DAB1: variants seen among roughly 807,000 people sequenced by gnomAD.
DAB1 encodes the protein DAB adaptor protein 1.
A neutral mutation model predicts 64.6 loss-of-function variants in DAB1; 15 were observed. The ratio of observed to expected loss-of-function variants is 0.23; its 90% CI spans 0.16 to 0.36. The LOEUF (loss-of-function observed/expected upper bound fraction) is 0.36. Ranked by LOEUF, DAB1 falls within the 10% of genes least tolerant of loss-of-function variation. DAB1 has a pLI of 1.00. For missense variants in DAB1, 596 were observed against 706.7 expected (o/e 0.84, Z 1.78); for synonymous variants, 235 against 251.9 (o/e 0.93, Z 0.64).
chr1:57,321,263 C>T (rs1303999454), intron 1 of DAB1, among the ~76,000 whole-genome samples: 1 of 152,134 alleles, frequency 6.6e-6, no homozygotes, highest in Non-Finnish European at 1.5e-5. Flanking sequence ...GTTAGAAACC[C>T]ATCTTCCAAT....
intron 4 of DAB1, among the ~76,000 whole-genome samples, chr1:58,313,715 C>T (rs1341206341): frequency 6.6e-6 from 1 of 151,992 alleles, no homozygotes; most frequent in Non-Finnish European, 1.5e-5. Flanking sequence ...TTATTTCTTA[C>T]AATTCTGGAA....
intron 7 of DAB1, among the ~76,000 whole-genome samples, chr1:57,478,901 G>C (rs1014912765): frequency 2.8e-4 from 42 of 151,468 alleles, no homozygotes; most frequent in Non-Finnish European, 2.1e-4. Context: ...CGCCCGGCCC[G>C]GTTCCCATTC....
intron 5 of DAB1, among the ~76,000 whole-genome samples, chr1:57,989,795 C>A (rs1038132290): frequency 4.6e-5 from 7 of 152,174 alleles, no homozygotes; most frequent in African/African-American, 1.7e-4. Context: ...TGAGCTTACT[C>A]AATTGGCTAT....
In DAB1 at chr1:57,636,114, C is replaced by CA. The variant is rs879722073; in HGVS notation, n.625+13477dup. Among the ~76,000 whole-genome samples, 317 of 124,212 alleles carry CA rather than the reference C, an allele frequency of 2.6e-3. 6 individuals are homozygous for CA. Among genetic ancestry groups the CA allele is most frequent in the African/African-American group, 6.9e-3 (228 of 33,150 alleles). 81.5% of individuals were successfully genotyped at this position (124,212 alleles called of 152,430 possible). A position where few individuals can be genotyped will look rare whatever the true frequency, so the allele number is the denominator to read the frequency against. Reference sequence around the variant, plus strand: ...ACGGTCTCAAAAAAAAAAAAAAAAACAAAAACAAAAAACTGGTGCCCTTAT... The same window carrying CA: ...ACGGTCTCAAAAAAAAAAAAAAAAACAAAAAACAAAAAACTGGTGCCCTTAT... On this transcript the variant is annotated intron_variant and non_coding_transcript_variant, in intron 7 of 20. Coordinates refer to the DAB1 transcript ENST00000485760.
At chr1:57,443,027 A>G (rs1384479097) in intron 7 of DAB1, among the ~76,000 whole-genome samples, 2 of 152,220 alleles carry the variant, frequency 1.3e-5, no homozygotes, top group Non-Finnish European at 2.9e-5. Flanking sequence ...ACCCTGAACA[A>G]AGAGCCTGAA....
At chr1:57,692,420 C>T (rs1034434091) in intron 6 of DAB1, among the ~76,000 whole-genome samples, 1 of 151,424 alleles carries the variant, frequency 6.6e-6, no homozygotes, top group Non-Finnish European at 1.5e-5. Flanking sequence ...AAGAGAAAGA[C>T]AGGAAGTCAA....
intron 7 of DAB1, among the ~76,000 whole-genome samples, chr1:57,447,432 T>G (rs1353258683): frequency 6.6e-6 from 1 of 152,210 alleles, no homozygotes; most frequent in Non-Finnish European, 1.5e-5. Flanking sequence ...TGGGCAGCTG[T>G]GTGGCTACTG....
At chr1:57,302,082 A>C (rs907600129) in intron 1 of DAB1, among the ~76,000 whole-genome samples, 2 of 152,136 alleles carry the variant, frequency 1.3e-5, no homozygotes, top group Non-Finnish European at 2.9e-5. Flanking sequence ...TCCAATCTCA[A>C]TTACTGTAAA....
upstream of DAB1, among the ~76,000 whole-genome samples, chr1:57,886,849 A>C (rs1644231086): frequency 6.6e-6 from 1 of 152,216 alleles, no homozygotes; most frequent in Non-Finnish European, 1.5e-5. Flanking sequence ...AATTTGTAAA[A>C]AGGAGTGCTG....
At chr1:58,077,005 T>C (rs1033585873) in intron 5 of DAB1, among the ~76,000 whole-genome samples, 1 of 152,178 alleles carries the variant, frequency 6.6e-6, no homozygotes, top group East Asian at 1.9e-4. Flanking sequence ...CTGTGTCTTA[T>C]TGGCTCAGGC....
intron 4 of DAB1, among the ~76,000 whole-genome samples, chr1:58,269,235 A>G (rs1169393454): frequency 2.0e-5 from 3 of 148,844 alleles, no homozygotes; most frequent in East Asian, 2.0e-4. Context: ...TCATTGTTCA[A>G]TTCCCACCTA....
chr1:58,372,250 G>A (rs1313153094), intron 3 of DAB1, among the ~76,000 whole-genome samples: 1 of 152,230 alleles, frequency 6.6e-6, no homozygotes, highest in Non-Finnish European at 1.5e-5. Context: ...TTTCCTGGAT[G>A]TGACACATGG....
chr1:58,513,632 T>C (rs1284818242), intron 2 of DAB1, among the ~76,000 whole-genome samples: 1 of 152,168 alleles, frequency 6.6e-6, no homozygotes. Context: ...ACTAAGATAA[T>C]GGAGAGACTA....
At chr1:57,181,118 C>T (rs1055266282) in intron 2 of DAB1, among the ~76,000 whole-genome samples, 1 of 152,154 alleles carries the variant, frequency 6.6e-6, no homozygotes, top group Admixed American at 6.5e-5. Flanking sequence ...GAGCATGTAA[C>T]CCGGTGCTAT....
chr1:57,983,156 T>C (rs1646108393), intron 5 of DAB1, among the ~76,000 whole-genome samples: 1 of 152,208 alleles, frequency 6.6e-6, no homozygotes, highest in Non-Finnish European at 1.5e-5. Flanking sequence ...GTCTTCAAAA[T>C]GCTCAATCTC....
At chr1:57,669,244 C>T (rs1018895154) in intron 6 of DAB1, among the ~76,000 whole-genome samples, 3 of 152,020 alleles carry the variant, frequency 2.0e-5, no homozygotes, top group Non-Finnish European at 4.4e-5. Flanking sequence ...TTTTTACTGA[C>T]GGAATCCAAT....
At chr1:57,295,291 C>T (rs1673102286) in intron 1 of DAB1, among the ~76,000 whole-genome samples, 1 of 152,150 alleles carries the variant, frequency 6.6e-6, no homozygotes, top group South Asian at 2.1e-4. Flanking sequence ...ACACTAACGC[C>T]ACTGCAAATT....
chr1:58,442,563 C>T (rs948365953), intron 3 of DAB1, among the ~76,000 whole-genome samples: 2 of 152,154 alleles, frequency 1.3e-5, no homozygotes, highest in African/African-American at 4.8e-5. Context: ...ATGTCAAATT[C>T]CAAAAAGACT....
intron 3 of DAB1, among the ~76,000 whole-genome samples, chr1:58,490,338 A>C (rs1039851387): frequency 6.6e-6 from 1 of 152,214 alleles, no homozygotes; most frequent in Non-Finnish European, 1.5e-5. Flanking sequence ...AAGAAAAGGT[A>C]TCAGTGATGG....
Sources: gnomAD v4.1 joint callset for allele counts (sites outside exome capture counted in the v4.1 genomes callset) on GRCh38, gnomAD v4.1.1 for gene constraint, MANE v1.5 for transcripts, NCBI Gene and HGNC (gene_info 2026-07-23, HGNC 2026-07-21) for gene names.